Variants in IL1RAPL1 observed in about 807,000 individuals in gnomAD.
The protein encoded by IL1RAPL1 is interleukin-1 receptor accessory protein-like 1.
IL1RAPL1 carries 3 observed loss-of-function variants against 48.4 expected under a neutral mutation model. That is an observed-to-expected ratio of 0.06 (90% CI 0.03 to 0.16). The LOEUF is 0.16. Ranked by LOEUF, IL1RAPL1 falls within the 10% of genes least tolerant of loss-of-function variation. The probability of loss-of-function intolerance (pLI) is 1.00; values close to 1 mark genes in which losing one functional copy is unlikely to be tolerated. For missense variants in IL1RAPL1, 349 were observed against 530.6 expected (o/e 0.66, Z 3.36); for synonymous variants, 185 against 187.7 (o/e 0.99, Z 0.12).
intron 5 of IL1RAPL1, among the ~76,000 whole-genome samples, chrX:29,575,078 A>G (rs1373633777): frequency 3.6e-5 from 4 of 111,562 alleles, no homozygotes; most frequent in Non-Finnish European, 7.5e-5. Flanking sequence ...TCAGCTTCCC[A>G]TCTTCTTCTG....
chrX:29,679,964 A>G, intron 6 of IL1RAPL1, among the ~76,000 whole-genome samples: 1 of 112,247 alleles, frequency 8.9e-6, no homozygotes, highest in Non-Finnish European at 1.9e-5. Flanking sequence ...TAGAGAACTG[A>G]GGCAATATAT....
chrX:29,155,174 C>T (rs779043471), intron 2 of IL1RAPL1, among the ~76,000 whole-genome samples: 5 of 110,163 alleles, frequency 4.5e-5, no homozygotes, highest in Admixed American at 9.7e-5. Flanking sequence ...CATGCCACCA[C>T]GCCTGGCTAA....
chrX:29,125,877 A>AAG (rs1928889127), intron 2 of IL1RAPL1, among the ~76,000 whole-genome samples: 1 of 109,359 alleles, frequency 9.1e-6, no homozygotes, highest in African/African-American at 3.3e-5. Flanking sequence ...AAATGGTTAA[A>AAG]AAAAAAAGGC....
intron 5 of IL1RAPL1, among the ~76,000 whole-genome samples, chrX:29,611,348 T>C (rs567809214): frequency 1.0e-3 from 112 of 112,307 alleles, no homozygotes; most frequent in African/African-American, 3.5e-3. Context: ...TCCCAGGTCT[T>C]AGGTAAACTC....
intron 3 of IL1RAPL1, among the ~76,000 whole-genome samples, chrX:29,301,492 A>G (rs1016475636): frequency 4.4e-5 from 5 of 112,376 alleles, no homozygotes; most frequent in Admixed American, 1.9e-4. Flanking sequence ...ACCAGACTGT[A>G]TATATTCACA....
intron 5 of IL1RAPL1, among the ~76,000 whole-genome samples, chrX:29,534,827 G>A (rs945695173): frequency 2.7e-5 from 3 of 109,946 alleles, no homozygotes; most frequent in Non-Finnish European, 5.7e-5. Context: ...AAATTAGCCG[G>A]GCGTGGTGGC....
intron 1 of IL1RAPL1, among the ~76,000 whole-genome samples, chrX:28,728,754 C>CT (rs1935714153): frequency 9.0e-6 from 1 of 111,430 alleles, no homozygotes; most frequent in Non-Finnish European, 1.9e-5. Context: ...ATGCAGAACA[C>CT]TTTTTTATAA....
intron 5 of IL1RAPL1, among the ~76,000 whole-genome samples, chrX:29,515,497 G>C (rs772222498): frequency 8.9e-6 from 1 of 111,916 alleles, no homozygotes; most frequent in Non-Finnish European, 1.9e-5. Context: ...TCCATAAATG[G>C]AATCATACAG....
At chrX:28,712,307 T>C (rs1935450644) in intron 1 of IL1RAPL1, among the ~76,000 whole-genome samples, 1 of 110,666 alleles carries the variant, frequency 9.0e-6, no homozygotes, top group Non-Finnish European at 1.9e-5. Context: ...CCTTGGTGAT[T>C]GTAGAAGTTT....
chrX:29,444,256 C>T (rs1306348939), intron 5 of IL1RAPL1, among the ~76,000 whole-genome samples: 1 of 107,847 alleles, frequency 9.3e-6, no homozygotes, highest in Non-Finnish European at 1.9e-5. Flanking sequence ...GTGAGAGAAT[C>T]GCTTTAACCC....
chrX:28,890,761 C>A (rs1161787370), intron 2 of IL1RAPL1, among the ~76,000 whole-genome samples: 1 of 111,793 alleles, frequency 8.9e-6, no homozygotes, highest in African/African-American at 3.2e-5. Flanking sequence ...TTGTTCCTAT[C>A]AGTATAAGCC....
At chrX:29,244,626 A>C (rs1208370848) in intron 2 of IL1RAPL1, among the ~76,000 whole-genome samples, 1 of 112,480 alleles carries the variant, frequency 8.9e-6, no homozygotes, top group African/African-American at 3.2e-5. Context: ...TTAAATGATG[A>C]TTATTTTTGC....
At chrX:29,240,224 ATTTTT>A (rs55639151) in intron 2 of IL1RAPL1, among the ~76,000 whole-genome samples, 16 of 13,332 alleles carry the variant, frequency 1.2e-3, no homozygotes, top group African/African-American at 5.7e-3. Flanking sequence ...ATATATATAT[ATTTTT>A]TTTTTTTTTT....
intron 2 of IL1RAPL1, among the ~76,000 whole-genome samples, chrX:29,215,989 G>GTT (rs972406432): frequency 8.1e-5 from 9 of 110,938 alleles, no homozygotes; most frequent in African/African-American, 3.0e-4. Context: ...CATCCGCAAA[G>GTT]TTGGATTAAA....
chrX:29,728,386 T>G (rs1182696073), intron 6 of IL1RAPL1, among the ~76,000 whole-genome samples: 1 of 112,142 alleles, frequency 8.9e-6, no homozygotes, highest in East Asian at 2.8e-4. Flanking sequence ...TATCTTTATC[T>G]CTCTCAATGT....
chrX:28,697,144 T>A (rs750649281), intron 1 of IL1RAPL1, among the ~76,000 whole-genome samples: 26 of 111,584 alleles, frequency 2.3e-4, no homozygotes, highest in Admixed American at 5.7e-4. Context: ...TTTTTTTTGA[T>A]AAGTTGCTTG....
chrX:29,883,901 C>A (rs1467885388), intron 6 of IL1RAPL1, among the ~76,000 whole-genome samples: 1 of 112,018 alleles, frequency 8.9e-6, no homozygotes, highest in Admixed American at 9.5e-5. Context: ...ATTGTGAACT[C>A]AATCGCATTG....
chrX:29,883,903 A>G (rs1187411373), intron 6 of IL1RAPL1, among the ~76,000 whole-genome samples: 1 of 112,128 alleles, frequency 8.9e-6, no homozygotes, highest in Non-Finnish European at 1.9e-5. Flanking sequence ...TGTGAACTCA[A>G]TCGCATTGTA....
chrX:29,727,896 TA>T (rs1437831291), intron 6 of IL1RAPL1, among the ~76,000 whole-genome samples: 1 of 111,322 alleles, frequency 9.0e-6, no homozygotes, highest in Non-Finnish European at 1.9e-5. Context: ...GTGACTACAT[TA>T]AAAAAATGAG....
Sources: gnomAD v4.1 joint callset for allele counts (sites outside exome capture counted in the v4.1 genomes callset) on GRCh38, gnomAD v4.1.1 for gene constraint, MANE v1.5 for transcripts, NCBI Gene and HGNC (gene_info 2026-07-23, HGNC 2026-07-21) for gene names.